Variants in XKR4 observed in about 807,000 individuals in gnomAD.
The protein encoded by XKR4 is XK-related protein 4.
Under a neutral mutation model 53.9 loss-of-function variants are expected in XKR4, and 12 were observed. That is an observed-to-expected ratio of 0.22 (90% CI 0.14 to 0.36). XKR4 has a LOEUF of 0.36. XKR4 is among the 10% of genes least tolerant of loss of function. The pLI is 1.00. For missense variants in XKR4, 799 were observed against 859.5 expected (o/e 0.93, Z 0.88); for synonymous variants, 354 against 362.4 (o/e 0.98, Z 0.26).
chr8:55,464,405 C>T (rs957678245), intron 2 of XKR4, among the ~76,000 whole-genome samples: 5 of 152,046 alleles, frequency 3.3e-5, no homozygotes, highest in Admixed American at 1.3e-4. Flanking sequence ...ATGCAGAAAA[C>T]GCCTTTCACA....
chr8:55,136,753 TA>T (rs1816636438), intron 1 of XKR4, among the ~76,000 whole-genome samples: 1 of 152,274 alleles, frequency 6.6e-6, no homozygotes, highest in Non-Finnish European at 1.5e-5. Context: ...ATGGTAGATA[TA>T]AAAAAAGTGA....
chr8:55,455,989 A>G (rs1805563819), intron 2 of XKR4, among the ~76,000 whole-genome samples: 1 of 152,250 alleles, frequency 6.6e-6, no homozygotes, highest in East Asian at 1.9e-4. Flanking sequence ...TTAATCAACA[A>G]CAACATCCTC....
At chr8:55,201,773 G>A (rs1004960710) in intron 1 of XKR4, among the ~76,000 whole-genome samples, 1 of 152,210 alleles carries the variant, frequency 6.6e-6, no homozygotes, top group Non-Finnish European at 1.5e-5. Flanking sequence ...CCCTGGATAA[G>A]TACTGAAATC....
At chr8:55,312,756 T>A (rs1200668603) in intron 1 of XKR4, among the ~76,000 whole-genome samples, 1 of 152,166 alleles carries the variant, frequency 6.6e-6, no homozygotes, top group Non-Finnish European at 1.5e-5. Flanking sequence ...CTCTTTTGGG[T>A]TTAATTTAAA....
At chr8:55,467,817 G>A (rs746870524) in intron 2 of XKR4, among the ~76,000 whole-genome samples, 1 of 152,258 alleles carries the variant, frequency 6.6e-6, no homozygotes, top group South Asian at 2.1e-4. Flanking sequence ...GTCCATTTAT[G>A]TGGTTGTTTT....
chr8:55,219,000 C>G (rs1346623997), intron 1 of XKR4, among the ~76,000 whole-genome samples: 2 of 135,480 alleles, frequency 1.5e-5, no homozygotes, highest in African/African-American at 2.6e-5. Flanking sequence ...AAATCAAATT[C>G]TAGAAGCAGT....
At chr8:55,171,761 T>C (rs898645613) in intron 1 of XKR4, among the ~76,000 whole-genome samples, 1 of 152,106 alleles carries the variant, frequency 6.6e-6, no homozygotes, top group Admixed American at 6.5e-5. Flanking sequence ...CCTGACAGCC[T>C]GGTCATAAGC....
At chr8:55,326,493 CAG>C (rs1456066566) in intron 1 of XKR4, among the ~76,000 whole-genome samples, 1 of 62,302 alleles carries the variant, frequency 1.6e-5, no homozygotes, top group East Asian at 5.6e-4. Flanking sequence ...TTTTTGGAAA[CAG>C]AGTTTTGCTC....
intron 1 of XKR4, chr8:55,164,330 T>C (rs1442598866): frequency 4.4e-6 from 2 of 454,780 alleles, no homozygotes; most frequent in African/African-American, 4.0e-5. Context: ...ATTTGGAGGG[T>C]GAGATGACCC....
chr8:55,190,219 C>G (rs935203922), intron 1 of XKR4, among the ~76,000 whole-genome samples: 1 of 152,150 alleles, frequency 6.6e-6, no homozygotes, highest in African/African-American at 2.4e-5. Flanking sequence ...AATGGCTGGG[C>G]TTGGAGGAGG....
chr8:55,316,590 C>G (rs533268537), intron 1 of XKR4, among the ~76,000 whole-genome samples: 8 of 152,172 alleles, frequency 5.3e-5, no homozygotes, highest in Non-Finnish European at 8.8e-5. Flanking sequence ...CAGTAGTGTT[C>G]TGAGACTATG....
chr8:55,274,115 A>G (rs1818731787), intron 1 of XKR4, among the ~76,000 whole-genome samples: 1 of 152,258 alleles, frequency 6.6e-6, no homozygotes, highest in Admixed American at 6.5e-5. Flanking sequence ...GAAGCAAGAT[A>G]AAGATGATTA....
chr8:55,383,735 T>A (rs904158778), intron 2 of XKR4, among the ~76,000 whole-genome samples: 3 of 152,172 alleles, frequency 2.0e-5, no homozygotes, highest in African/African-American at 4.8e-5. Flanking sequence ...CAATCTTATA[T>A]CTGAGTCTGC....
At chr8:55,344,350 T>C (rs1237889080) in intron 1 of XKR4, among the ~76,000 whole-genome samples, 2 of 152,112 alleles carry the variant, frequency 1.3e-5, no homozygotes, top group Non-Finnish European at 2.9e-5. Context: ...TCCTTATTTA[T>C]CATAAAATCA....
At chr8:55,474,024 G>C (rs1805934997) in intron 2 of XKR4, among the ~76,000 whole-genome samples, 1 of 151,892 alleles carries the variant, frequency 6.6e-6, no homozygotes, top group South Asian at 2.1e-4. Context: ...CCTGCCTCAG[G>C]CTCTCCAGTA....
At chr8:55,328,967 G>A (rs949070676) in intron 1 of XKR4, among the ~76,000 whole-genome samples, 4 of 151,942 alleles carry the variant, frequency 2.6e-5, no homozygotes, top group Admixed American at 2.0e-4. Flanking sequence ...CCACTACCTC[G>A]CAGACACCCT....
intron 2 of XKR4, among the ~76,000 whole-genome samples, 179 bp downstream of exon 2, chr8:55,358,056 T>A (rs1803845688): frequency 6.6e-6 from 1 of 152,226 alleles, no homozygotes; most frequent in South Asian, 2.1e-4. Flanking sequence ...CATGACTGAT[T>A]AATTGAAAGA....
At chr8:55,454,985 T>C (rs916468010) in intron 2 of XKR4, 7 of 854,130 alleles carry the variant, frequency 8.2e-6, no homozygotes, top group Non-Finnish European at 1.4e-5. Flanking sequence ...GGGACACATC[T>C]GCCACCCGCT....
rs1227548240 is a variant in XKR4 at position 55,456,529 on chromosome 8, G to A, written c.1007-66752G>A. ...GTGGCAAACAAATAATTAATGAAAC[G>A]CATGATGTCTATGATTCCATAAATA... On this transcript the variant is annotated intron_variant, in intron 2 of 2. Transcript: ENST00000327381. Among the ~76,000 whole-genome samples the A allele has an allele frequency of 5.3e-5, 8 of 152,116 alleles. No individual in the cohort carries two copies. The East Asian group carries it at 7.7e-4, about 15-fold the overall frequency.
Sources: gnomAD v4.1 joint callset for allele counts (sites outside exome capture counted in the v4.1 genomes callset) on GRCh38, gnomAD v4.1.1 for gene constraint, MANE v1.5 for transcripts, NCBI Gene and HGNC (gene_info 2026-07-23, HGNC 2026-07-21) for gene names.